Variants in ATP6V0A1 observed in about 807,000 individuals in gnomAD.
ATP6V0A1 encodes V-type proton ATPase 116 kDa subunit a 1.
A neutral mutation model predicts 105.4 loss-of-function variants in ATP6V0A1; 43 were observed. The ratio of observed to expected loss-of-function variants is 0.41; its 90% CI spans 0.32 to 0.53. ATP6V0A1 has a LOEUF of 0.53. ATP6V0A1 is among the 20% of genes least tolerant of loss of function. The pLI, the probability that ATP6V0A1 is intolerant of heterozygous loss-of-function variation, is 0.30. For missense variants in ATP6V0A1, 676 were observed against 1,051.1 expected (o/e 0.64, Z 4.93); for synonymous variants, 362 against 372.8 (o/e 0.97, Z 0.33).
chr17:42,501,162 A>T, intron 16 of ATP6V0A1, 35 bp from the exon 17 acceptor site: 1 of 1,541,608 alleles, frequency 6.5e-7, no homozygotes, highest in Non-Finnish European at 8.9e-7. Flanking sequence ...GTAGACTTTT[A>T]TATGATGTAC....
intron 21 of ATP6V0A1, chr17:42,517,832 G>C (rs1037342894): frequency 1.3e-5 from 2 of 152,252 alleles, no homozygotes; most frequent in African/African-American, 4.8e-5. Context: ...CTTTATCCCT[G>C]CTGTTTCCTG....
At chr17:42,506,380 T>C (rs996745586) in intron 17 of ATP6V0A1, among the ~76,000 whole-genome samples, 2 of 152,072 alleles carry the variant, frequency 1.3e-5, no homozygotes, top group Admixed American at 1.3e-4. Flanking sequence ...ACTGCTAGAG[T>C]AGGAGGGAGG....
intron 2 of ATP6V0A1, among the ~76,000 whole-genome samples, chr17:42,466,217 A>G (rs1447341086): frequency 2.1e-4 from 32 of 152,186 alleles, no homozygotes; most frequent in Admixed American, 2.1e-3. Context: ...CCTCCATTCC[A>G]GTAATGTTGC....
chr17:42,491,520 G>T (rs2090626212), intron 11 of ATP6V0A1, among the ~76,000 whole-genome samples: 2 of 151,756 alleles, frequency 1.3e-5, no homozygotes, highest in Non-Finnish European at 2.9e-5. Context: ...ATTTACTCTC[G>T]TTGCCCAGGC....
intron 16 of ATP6V0A1, 44 bp from the exon 17 acceptor site, chr17:42,501,153 T>C (rs2091636302): frequency 6.6e-7 from 1 of 1,509,470 alleles, no homozygotes; most frequent in East Asian, 2.3e-5. Flanking sequence ...ATGTGATCGG[T>C]AGACTTTTAT....
chr17:42,518,251 C>G (rs2092705983), intron 21 of ATP6V0A1: 1 of 152,262 alleles, frequency 6.6e-6, no homozygotes, highest in Non-Finnish European at 1.5e-5. Context: ...TAGATGTACA[C>G]CTACCTGTAC....
Position 42,501,272 on chromosome 17 carries a change from C to A in ATP6V0A1, c.1972C>A (p.Leu658Ile). 6.2e-7 allele frequency: 1 copy of A among 1,613,990 alleles called. No homozygotes were observed. ...PWMLLFKPLV[L>I]RRQYLRRKHL... ...GATGCTGCTGTTTAAACCATTGGTC[C>A]TTCGCCGTCAGTATTTGAGGAGAAA... The change falls in exon 17 of 22, where the codon CTT becomes ATT. Residue 658 changes from leucine (L) to isoleucine (I), a missense_variant. Leu to Ile is a conservative substitution (Grantham distance 5). Coordinates refer to ENST00000343619, the MANE Select transcript of ATP6V0A1 (RefSeq NM_001130021.3).
At chr17:42,487,388 A>T (rs563838856) in intron 10 of ATP6V0A1, 21 bp downstream of exon 10, 39 of 1,609,816 alleles carry the variant, frequency 2.4e-5, no homozygotes, top group Non-Finnish European at 3.3e-5. Context: ...AAAGCTAACA[A>T]TGCAGCTCGT....
chr17:42,503,702 A>G (rs1406780101), intron 17 of ATP6V0A1, among the ~76,000 whole-genome samples: 1 of 152,220 alleles, frequency 6.6e-6, no homozygotes, highest in African/African-American at 2.4e-5. Flanking sequence ...AAATAAAATG[A>G]AAGATTTAGA....
intron 20 of ATP6V0A1, 87 bp from the exon 21 acceptor site, chr17:42,514,202 T>C: frequency 1.3e-6 from 2 of 1,494,550 alleles, no homozygotes; most frequent in Non-Finnish European, 1.8e-6. Flanking sequence ...CAGGGAACCC[T>C]AGAGCAGGGG....
intron 9 of ATP6V0A1, among the ~76,000 whole-genome samples, chr17:42,486,088 A>G (rs1421478399): frequency 6.6e-6 from 1 of 152,186 alleles, no homozygotes; most frequent in Non-Finnish European, 1.5e-5. Flanking sequence ...TCCAGTTGGA[A>G]GCAACAGGCT....
chr17:42,520,681 G>T, intron 21 of ATP6V0A1: 1 of 430,080 alleles, frequency 2.3e-6, no homozygotes, highest in Non-Finnish European at 4.6e-6. Context: ...GTGATCCCCT[G>T]CCAGGAGGGG....
chr17:42,517,461 A>T (rs753583148), intron 21 of ATP6V0A1, among the ~76,000 whole-genome samples: 1 of 152,186 alleles, frequency 6.6e-6, no homozygotes. Flanking sequence ...CAGCCTCCCC[A>T]TATATGTCGT....
intron 10 of ATP6V0A1, among the ~76,000 whole-genome samples, 156 bp from the exon 11 acceptor site, chr17:42,490,331 A>C (rs921511795): frequency 1.3e-5 from 2 of 152,132 alleles, no homozygotes; most frequent in South Asian, 2.1e-4. Context: ...TTTTATTTTT[A>C]GGTTTATTAG....
intron 17 of ATP6V0A1, among the ~76,000 whole-genome samples, chr17:42,503,959 C>T (rs935193788): frequency 1.3e-5 from 2 of 152,228 alleles, no homozygotes; most frequent in African/African-American, 4.8e-5. Context: ...AACACATACT[C>T]TTTTTTCTGC....
chr17:42,467,441 A>C (rs1054611492), intron 3 of ATP6V0A1, among the ~76,000 whole-genome samples: 1 of 152,196 alleles, frequency 6.6e-6, no homozygotes, highest in Non-Finnish European at 1.5e-5. Flanking sequence ...GGTCCCCACT[A>C]TAAAAAACAG....
intron 5 of ATP6V0A1, among the ~76,000 whole-genome samples, chr17:42,476,612 T>G (rs1270319818): frequency 6.6e-6 from 1 of 152,128 alleles, no homozygotes; most frequent in Non-Finnish European, 1.5e-5. Context: ...TTTGTTTTGT[T>G]TTTTGGAGCA....
intron 10 of ATP6V0A1, among the ~76,000 whole-genome samples, chr17:42,489,553 G>A (rs1484468713): frequency 1.3e-5 from 2 of 152,110 alleles, no homozygotes; most frequent in African/African-American, 4.8e-5. Flanking sequence ...ATTGTGAGAT[G>A]TTCTGCAGGA....
intron 5 of ATP6V0A1, among the ~76,000 whole-genome samples, chr17:42,473,862 T>C (rs2145769324): frequency 6.6e-6 from 1 of 152,310 alleles, no homozygotes; most frequent in South Asian, 2.1e-4. Flanking sequence ...GGAAAAATGA[T>C]ATTTTAAAAT....
Sources: gnomAD v4.1 joint callset for allele counts (sites outside exome capture counted in the v4.1 genomes callset) on GRCh38, gnomAD v4.1.1 for gene constraint, MANE v1.5 for transcripts, NCBI Gene and HGNC (gene_info 2026-07-23, HGNC 2026-07-21) for gene names.